CUX1: variants seen among roughly 807,000 people sequenced by gnomAD.
CUX1 encodes cut like homeobox 1.
Under a neutral mutation model 158.8 loss-of-function variants are expected in CUX1, and 31 were observed. The ratio of observed to expected loss-of-function variants is 0.20; its 90% CI spans 0.15 to 0.26. The LOEUF is 0.26. Among genes scored for constraint, CUX1 ranks in the 10% least tolerant of loss-of-function variants. CUX1 has a pLI of 1.00. For missense variants in CUX1, 1,589 were observed against 2,014.6 expected, an observed-to-expected ratio of 0.79 and a Z score of 4.04; for synonymous variants, 879 against 862.1, an observed-to-expected ratio of 1.02 and a Z score of -0.34.
chr7:102,244,164 G>A (rs562425302), intron 23 of CUX1, among the ~76,000 whole-genome samples: 4 of 152,150 alleles, frequency 2.6e-5, no homozygotes, highest in Admixed American at 6.5e-5. Flanking sequence ...CCAACCTGCC[G>A]TTATACCCGA....
At chr7:102,119,798 T>C (rs1395215752) in intron 8 of CUX1, among the ~76,000 whole-genome samples, 1 of 152,076 alleles carries the variant, frequency 6.6e-6, no homozygotes, top group Non-Finnish European at 1.5e-5. Context: ...CCTCCCGTCT[T>C]AGCCTCTCAA....
chr7:102,158,678 C>A (rs568966777), intron 9 of CUX1, 70 bp downstream of exon 9: 5 of 1,465,668 alleles, frequency 3.4e-6, no homozygotes, highest in Admixed American at 3.4e-5. Flanking sequence ...TCGGAAGATG[C>A]GTCACCCGAA....
intron 8 of CUX1, among the ~76,000 whole-genome samples, chr7:102,121,258 C>G (rs1435460512): frequency 2.6e-5 from 4 of 152,092 alleles, no homozygotes; most frequent in African/African-American, 9.7e-5. Flanking sequence ...ACCTCCACCT[C>G]CCGGGTTCAA....
chr7:102,258,165 A>T lies in CUX1; in HGVS notation c.*9123A>T, dbSNP rs944945758. 1 of 985,064 alleles carries T rather than the reference A, an allele frequency of 1.0e-6. No homozygotes were observed. The highest frequency in any genetic ancestry group is 1.2e-6 in the Non-Finnish European group (1 of 829,738). 61.0% of individuals were successfully genotyped at this position (985,064 alleles called of 1,614,324 possible). ...AGCAATATCACTGTATGAGACTCAC[A>T]CCATGTATTATTATTCACTAGCACC... is the stretch of plus-strand genomic sequence containing the variant. On this transcript the variant is annotated 3_prime_UTR_variant, in exon 24 of 24. Coordinates refer to ENST00000292535, the MANE Select transcript of CUX1 (RefSeq NM_181552.4).
intron 1 of CUX1, among the ~76,000 whole-genome samples, chr7:101,902,208 C>G (rs1296905784): frequency 6.6e-6 from 1 of 152,170 alleles, no homozygotes; most frequent in East Asian, 1.9e-4. Context: ...AATCTGGATT[C>G]AAATCCAGGC....
rs528548770 is a variant in CUX1 at position 102,082,911 on chromosome 7, T to C, written c.268+12494T>C. Among the ~76,000 whole-genome samples the C allele has an allele frequency of 1.0e-4, 15 of 147,878 alleles. 2 individuals carry two copies. The highest frequency in any genetic ancestry group is 3.6e-4 in the African/African-American group (15 of 41,330). ...TTATGAATCAGTCTATAAACATTCA[T>C]GGAGAAGTTGTTACATAGGTATATG... On this transcript the variant is annotated intron_variant, in intron 4 of 23. Coordinates refer to ENST00000292535, the MANE Select transcript of CUX1 (RefSeq NM_181552.4).
At chr7:101,834,986 ACT>A (rs531103838) in intron 1 of CUX1, among the ~76,000 whole-genome samples, 9 of 145,120 alleles carry the variant, frequency 6.2e-5, no homozygotes, top group African/African-American at 2.4e-4. Flanking sequence ...ACAGAGCGAG[ACT>A]CTGTGTCATA....
At chr7:101,969,359 C>CAAAAAAAAAAAAAAAAAAAAAAAACA (rs10711703) in intron 2 of CUX1, among the ~76,000 whole-genome samples, 1 of 56,112 alleles carries the variant, frequency 1.8e-5, no homozygotes, top group Admixed American at 2.1e-4. Flanking sequence ...CAAAAAACAG[C>CAAAAAAAAAAAAAAAAAAAAAAAACA]AAAAAAAAAA....
At chr7:102,009,878 C>G (rs1400630198) in intron 2 of CUX1, among the ~76,000 whole-genome samples, 1 of 152,200 alleles carries the variant, frequency 6.6e-6, no homozygotes, top group Non-Finnish European at 1.5e-5. Flanking sequence ...AAAAGATTAG[C>G]AGGCATAATT....
At chr7:101,939,152 A>C (rs1807392769) in intron 2 of CUX1, among the ~76,000 whole-genome samples, 1 of 131,094 alleles carries the variant, frequency 7.6e-6, no homozygotes, top group South Asian at 2.5e-4. Flanking sequence ...CCAGGCCTCT[A>C]TGTAGTCAGT....
At chr7:101,955,798 T>C (rs1305402759) in intron 2 of CUX1, among the ~76,000 whole-genome samples, 1 of 152,162 alleles carries the variant, frequency 6.6e-6, no homozygotes, top group African/African-American at 2.4e-5. Context: ...TGTAGCCACC[T>C]TTCTAAGGGA....
intron 2 of CUX1, among the ~76,000 whole-genome samples, chr7:101,996,507 C>T (rs752699006): frequency 6.6e-6 from 1 of 152,022 alleles, no homozygotes; most frequent in African/African-American, 2.4e-5. Flanking sequence ...GAGGGGGCCC[C>T]GAGCAGACCT....
intron 8 of CUX1, among the ~76,000 whole-genome samples, chr7:102,127,177 G>A (rs1259272136): frequency 1.3e-5 from 2 of 152,208 alleles, no homozygotes; most frequent in African/African-American, 2.4e-5. Context: ...AGGGACTGGG[G>A]ACCCCTGATC....
At chr7:101,904,694 A>G (rs1802554624) in intron 1 of CUX1, among the ~76,000 whole-genome samples, 1 of 150,422 alleles carries the variant, frequency 6.6e-6, no homozygotes, top group Non-Finnish European at 1.5e-5. Flanking sequence ...TCAGCCTCCC[A>G]AGTAGCTGAG....
intron 19 of CUX1, chr7:102,280,258 C>T: frequency 3.2e-6 from 2 of 616,694 alleles, no homozygotes; most frequent in East Asian, 2.8e-5. Flanking sequence ...TCTGGGTGCT[C>T]TCGGCCAGCC....
rs191616629 is a variant in CUX1, at chr7:101,884,272, G to A, written c.31-31843G>A. Among the ~76,000 whole-genome samples the A allele has an allele frequency of 1.1e-4, 17 of 152,320 alleles. No homozygotes were observed. In the East Asian group the frequency reaches 3.1e-3, roughly 28 times the overall value. On this transcript the variant is annotated intron_variant, in intron 1 of 23. Coordinates refer to ENST00000292535, the MANE Select transcript of CUX1 (RefSeq NM_181552.4). ...TGATGTTTTGGTGTAAGCATACAATGTGTAATGATCAAGTCAAGGTAATTG... is the reference window on the plus strand; with the variant it reads ...TGATGTTTTGGTGTAAGCATACAATATGTAATGATCAAGTCAAGGTAATTG...
chr7:102,111,536 C>T (rs1554490027), intron 6 of CUX1, among the ~76,000 whole-genome samples, 162 bp from the exon 7 acceptor site: 1 of 152,206 alleles, frequency 6.6e-6, no homozygotes, highest in African/African-American at 2.4e-5. Context: ...GTGGAAGCTG[C>T]GGGAGCGGGG....
In CUX1 at chr7:102,104,611, G is replaced by C; in HGVS notation, c.530+152G>C. 2.7e-6 allele frequency: 3 copies of C among 1,122,816 alleles called. No homozygotes were observed. In the Admixed American group the frequency reaches 8.5e-5, roughly 32 times the overall value. 69.6% of individuals were successfully genotyped at this position (1,122,816 alleles called of 1,614,324 possible). A position where few individuals can be genotyped will look rare whatever the true frequency, so the allele number is the denominator to read the frequency against. Reference sequence around the variant, plus strand: ...AAAATGTTTCAAAAATGATATTCTGGCTGGGTGTGGTGGCTCACGCCTGTA... The same window carrying C: ...AAAATGTTTCAAAAATGATATTCTGCCTGGGTGTGGTGGCTCACGCCTGTA... On this transcript the variant is annotated intron_variant, in intron 6 of 23. Coordinates refer to ENST00000292535, the MANE Select transcript of CUX1 (RefSeq NM_181552.4).
intron 2 of CUX1, among the ~76,000 whole-genome samples, chr7:102,015,765 C>T (rs571633720): frequency 6.6e-6 from 1 of 152,276 alleles, no homozygotes; most frequent in South Asian, 2.1e-4. Flanking sequence ...TTCACGTGCT[C>T]CTTCCCCAAA....
Sources: gnomAD v4.1 joint callset for allele counts (sites outside exome capture counted in the v4.1 genomes callset) on GRCh38, gnomAD v4.1.1 for gene constraint, MANE v1.5 for transcripts, NCBI Gene and HGNC (gene_info 2026-07-23, HGNC 2026-07-21) for gene names.